GAS6: variants seen among roughly 807,000 people sequenced by gnomAD.
GAS6 encodes growth arrest specific 6.
GAS6 carries 41 observed loss-of-function variants against 75.8 expected under a neutral mutation model. That is an observed-to-expected ratio of 0.54 (90% CI 0.42 to 0.70). GAS6 has a LOEUF of 0.70. Ranked by LOEUF, GAS6 falls within the 30% of genes least tolerant of loss-of-function variation. GAS6 has a pLI of 0.00. For synonymous variants in GAS6, 432 were observed against 412.6 expected, an observed-to-expected ratio of 1.05 and a Z score of -0.57; for missense variants, 854 against 940.2, an observed-to-expected ratio of 0.91 and a Z score of 1.20.
At position 113,837,224 on chromosome 13, in the gene GAS6, G is replaced by A. The variant is rs1318330321; in HGVS notation, c.589+845C>T. Among the ~76,000 whole-genome samples, 4 of 152,126 alleles carry A rather than the reference G, an allele frequency of 2.6e-5. No homozygotes were observed. The highest frequency in any genetic ancestry group is 9.6e-5 in the African/African-American group (4 of 41,476). On this transcript the variant is annotated intron_variant, in intron 6 of 14. Transcript: ENST00000327773. The surrounding 1 kb of genome is among the most constrained non-coding windows in gnomAD (Gnocchi z 5.1). Reference sequence around the variant, plus strand: ...CAGGGCTAACTCCTGGGTGGTCAGGGAAGGGAACCACCAAAGTGGACAGAA... The same window carrying A: ...CAGGGCTAACTCCTGGGTGGTCAGGAAAGGGAACCACCAAAGTGGACAGAA...
At chr13:113,822,905 C>G (rs1037784660) in intron 13 of GAS6, 3 of 155,832 alleles carry the variant, frequency 1.9e-5, no homozygotes, top group African/African-American at 7.2e-5. Flanking sequence ...TTGTGAGGAC[C>G]GGGGGTGGGG....
intron 2 of GAS6, among the ~76,000 whole-genome samples, chr13:113,851,997 T>C (rs1199207594): frequency 3.9e-5 from 6 of 152,196 alleles, no homozygotes; most frequent in Admixed American, 3.9e-4. Context: ...TGTGCTTTGC[T>C]GTTCCCGGCA....
chr13:113,851,631 A>AT (rs2051876914), intron 2 of GAS6, among the ~76,000 whole-genome samples: 1 of 148,612 alleles, frequency 6.7e-6, no homozygotes, highest in African/African-American at 2.5e-5. Flanking sequence ...GAGTGGATGG[A>AT]TGGATGAGCG....
intron 2 of GAS6, among the ~76,000 whole-genome samples, chr13:113,853,807 A>T (rs1221245752): frequency 6.6e-6 from 1 of 152,194 alleles, no homozygotes; most frequent in Non-Finnish European, 1.5e-5. Flanking sequence ...CTCTCTGAAG[A>T]GCCGCCGTCT....
Position 113,820,982 on chromosome 13 carries a change from T to C in GAS6, c.1919A>G (p.Tyr640Cys), listed in dbSNP as rs764264848. 2.5e-6 allele frequency: 4 copies of C among 1,612,650 alleles called. No individual in the cohort carries two copies. Among genetic ancestry groups the C allele is most frequent in the Non-Finnish European group, 2.5e-6 (3 of 1,179,870 alleles). Reference protein sequence around the residue: ...PVTSAPVTAFYRGCMTLEVNR... With the variant: ...PVTSAPVTAFCRGCMTLEVNR... ...GACCTCCAGTGTCATGCAGCCGCGG[T>C]AGAACGCGGTGACTGGCGCTGAAGT... Residue 640 changes from tyrosine to cysteine, a missense_variant, in exon 15 of 15, where the codon TAC becomes TGC. Physicochemically the swap from Tyr to Cys is radical, Grantham distance 194 (BLOSUM62 -2). Coordinates refer to ENST00000327773, the MANE Select transcript of GAS6 (RefSeq NM_000820.4).
rs1244807523 is a variant in GAS6, at chr13:113,825,946, AG to A, written c.1477+1049del. 2.6e-5 allele frequency among the ~76,000 whole-genome samples: 4 copies of A among 151,122 alleles called. No individual in the cohort carries two copies. The South Asian group carries it at 8.6e-4, about 33-fold the overall frequency. On this transcript the variant is annotated intron_variant, in intron 12 of 14. Coordinates refer to ENST00000327773, the MANE Select transcript of GAS6 (RefSeq NM_000820.4). ...GGCCGGCAGCCCTGAGATCTGACGGAGGGGGCGCTGCCTGCCCTCTGTGCGT... is the reference window on the plus strand; with the variant it reads ...GGCCGGCAGCCCTGAGATCTGACGGAGGGGCGCTGCCTGCCCTCTGTGCGT...
At chr13:113,858,383 CTG>C (rs1402134389) in intron 2 of GAS6, among the ~76,000 whole-genome samples, 1 of 151,422 alleles carries the variant, frequency 6.6e-6, no homozygotes, top group Admixed American at 6.6e-5. Flanking sequence ...GTGTGCATGT[CTG>C]TCAGTGTGTG....
chr13:113,843,123 C>A (rs1421663358), intron 4 of GAS6: 4 of 337,816 alleles, frequency 1.2e-5, no homozygotes, highest in Admixed American at 4.8e-5. Context: ...GAGACAGAAA[C>A]CTCTGCAGGC....
At position 113,863,704 on chromosome 13, in the gene GAS6, C is replaced by T. The variant is rs1339244771; in HGVS notation, c.126G>A (p.Leu42=). The stretch of plus-strand genomic sequence containing the variant: ...GAAAGGCGCGGCGCTGCCTGGGCCG[C>T]AGGAACTGCGTGGCCTCGCGCGCCG... ...LLPAREATQF[L]RPRQRRAFQV... is the part of the protein sequence containing the mutation. The change falls in exon 2 of 15, where the codon CTG becomes CTA. Residue 42 remains leucine, a synonymous_variant. Coordinates refer to ENST00000327773, the MANE Select transcript of GAS6 (RefSeq NM_000820.4). The surrounding 1 kb of genome is among the most constrained non-coding windows in gnomAD (Gnocchi z 9.4). 1.2e-5 allele frequency: 18 copies of T among 1,512,482 alleles called. No homozygotes were observed. The highest frequency in any genetic ancestry group is 1.6e-5 in the Non-Finnish European group (18 of 1,132,786). 93.7% of individuals were successfully genotyped at this position (1,512,482 alleles called of 1,614,324 possible).
At chr13:113,854,523 G>A (rs909120402) in intron 2 of GAS6, among the ~76,000 whole-genome samples, 1 of 152,252 alleles carries the variant, frequency 6.6e-6, no homozygotes, top group Non-Finnish European at 1.5e-5. Flanking sequence ...CCCAAACACA[G>A]AGCATGCTCC....
intron 8 of GAS6, chr13:113,833,699 A>G (rs947215409): frequency 2.0e-6 from 2 of 998,068 alleles, no homozygotes; most frequent in Non-Finnish European, 2.4e-6. Context: ...AGTCAGTGTG[A>G]CAGGCAGTGG....
At chr13:113,841,919 C>T (rs2051785979) in intron 4 of GAS6, 1 of 148,422 alleles carries the variant, frequency 6.7e-6, no homozygotes, top group African/African-American at 2.5e-5. Flanking sequence ...TCAATTTCCT[C>T]CATACGCCCC....
intron 8 of GAS6, chr13:113,833,661 C>T (rs1275475079): frequency 2.0e-6 from 2 of 998,768 alleles, no homozygotes; most frequent in Non-Finnish European, 2.4e-6. Flanking sequence ...ACCAGTGTGA[C>T]AGGTCGGTGT....
At chr13:113,862,706 G>C (rs964206126) in intron 2 of GAS6, among the ~76,000 whole-genome samples, 22 of 152,164 alleles carry the variant, frequency 1.4e-4, no homozygotes, top group African/African-American at 5.3e-4. Flanking sequence ...AGCGGAAACA[G>C]GCCTCCATGG....
chr13:113,858,036 C>G (rs2051928079), intron 2 of GAS6, among the ~76,000 whole-genome samples: 1 of 152,370 alleles, frequency 6.6e-6, no homozygotes, highest in African/African-American at 2.4e-5. Flanking sequence ...CCACAGGGCT[C>G]CGGCCCCTCA....
chr13:113,858,232 G>A (rs2051929786), intron 2 of GAS6, among the ~76,000 whole-genome samples: 1 of 152,230 alleles, frequency 6.6e-6, no homozygotes, highest in African/African-American at 2.4e-5. Flanking sequence ...CTGCATGCAT[G>A]TGGCTGGGCA....
chr13:113,834,104 CTGTGATAGGCCCCGGTGTGACAGGTCGG>C, intron 8 of GAS6, among the ~76,000 whole-genome samples: 1 of 134,132 alleles, frequency 7.5e-6, no homozygotes, highest in African/African-American at 3.0e-5. Flanking sequence ...GTAGGTCATG[CTGTGATAGGCCCCGGTGTGACAGGTCGG>C]TGTGACAGGC....
At chr13:113,833,594 T>C (rs2051656828) in intron 8 of GAS6, 5 of 1,011,882 alleles carry the variant, frequency 4.9e-6, no homozygotes, top group African/African-American at 1.8e-5. Context: ...GTGTGACAGG[T>C]CGGTGTGACA....
At chr13:113,852,964 C>T (rs1039716980) in intron 2 of GAS6, among the ~76,000 whole-genome samples, 22 of 152,310 alleles carry the variant, frequency 1.4e-4, no homozygotes, top group Admixed American at 3.9e-4. Flanking sequence ...GCACCCAGCA[C>T]GTGAAGAGAC....
Sources: allele counts gnomAD v4.1 joint callset (sites outside exome capture counted in the v4.1 genomes callset), GRCh38; gene constraint gnomAD v4.1.1; non-coding constraint Gnocchi (gnomAD v3.1); transcripts MANE v1.5; gene names NCBI Gene and HGNC (gene_info 2026-07-23, HGNC 2026-07-21).